The following SEC31A variants were observed in gnomAD, a reference collection of about 807,000 sequenced individuals.
The protein encoded by SEC31A is protein transport protein Sec31A.
A neutral mutation model predicts 151.0 loss-of-function variants in SEC31A; 70 were observed. The observed-to-expected ratio is 0.46, with a 90% CI of 0.38 to 0.57. SEC31A has a LOEUF of 0.57. Ranked by LOEUF, SEC31A falls within the 20% of genes least tolerant of loss-of-function variation. The probability of loss-of-function intolerance (pLI) is 0.00; values close to 1 mark genes in which losing one functional copy is unlikely to be tolerated. For synonymous variants in SEC31A, 475 were observed against 505.9 expected (o/e 0.94, Z 0.82); for missense variants, 1,330 against 1,471.2 (o/e 0.90, Z 1.57).
chr4:82,849,115 C>T, intron 19 of SEC31A, 138 bp from the exon 20 acceptor site: 1 of 744,158 alleles, frequency 1.3e-6, no homozygotes, highest in Non-Finnish European at 2.1e-6. Flanking sequence ...TAGACCCTGA[C>T]ACACAGATTT....
intron 5 of SEC31A, 27 bp downstream of exon 5, chr4:82,875,700 C>CT (rs1737764532): frequency 1.4e-6 from 2 of 1,403,980 alleles, no homozygotes; most frequent in African/African-American, 2.8e-5. Flanking sequence ...TTTTTGATTA[C>CT]AATGATCAAA....
chr4:82,884,069 C>T (rs1740050452), intron 1 of SEC31A, among the ~76,000 whole-genome samples: 2 of 146,396 alleles, frequency 1.4e-5, no homozygotes, highest in Admixed American at 7.0e-5. Flanking sequence ...CTCACTGCAA[C>T]GTCTGCCTCC....
Position 82,864,412 on chromosome 4 carries a change from T to A in SEC31A, c.1384A>T (p.Ile462Phe), listed in dbSNP as rs771400795. The A allele has an allele frequency of 6.3e-6, 10 of 1,592,118 alleles. No individual in the cohort carries two copies. Among genetic ancestry groups the A allele is most frequent in the Non-Finnish European group, 8.6e-6 (10 of 1,163,236 alleles). ...TCAAATTCAGTCTGAGAAGCATCAA[T>A]TTTTTTTTGGCAATAATTGATAAAT... ...QGFINYCQKKIDASQTEFEKN... is the reference protein window; with the variant it reads ...QGFINYCQKKFDASQTEFEKN... The change falls in exon 11 of 27, where the codon ATT becomes TTT. Residue 462 changes from isoleucine (I) to phenylalanine (F), a missense_variant. Transcript: ENST00000395310.
intron 21 of SEC31A, among the ~76,000 whole-genome samples, chr4:82,843,531 ATC>A (rs1290310047): frequency 1.3e-5 from 2 of 152,162 alleles, no homozygotes; most frequent in Non-Finnish European, 2.9e-5. Flanking sequence ...GTAAAAGTGG[ATC>A]TGTTTCCTAT....
At chr4:82,880,600 AG>A in intron 3 of SEC31A, 198 bp downstream of exon 3, 28 of 428,976 alleles carry the variant, frequency 6.5e-5, no homozygotes, top group East Asian at 1.2e-4. Flanking sequence ...AAAAAAAAAA[AG>A]AAAAAAAAAA....
chr4:82,823,036 G>T (rs910071631), intron 25 of SEC31A, among the ~76,000 whole-genome samples: 1 of 152,182 alleles, frequency 6.6e-6, no homozygotes, highest in African/African-American at 2.4e-5. Flanking sequence ...CCCCAAGGGG[G>T]CAAGGGCAGC....
chr4:82,858,903 G>T (rs1042329314), intron 14 of SEC31A, among the ~76,000 whole-genome samples: 6 of 151,736 alleles, frequency 4.0e-5, no homozygotes, highest in Non-Finnish European at 5.9e-5. Flanking sequence ...GGGTTTCACT[G>T]TGTTAGCCAG....
At chr4:82,846,604 A>G (rs1486454809) in intron 20 of SEC31A, among the ~76,000 whole-genome samples, 1 of 152,092 alleles carries the variant, frequency 6.6e-6, no homozygotes, top group Non-Finnish European at 1.5e-5. Flanking sequence ...ACAAGAAGGA[A>G]GACTACTTCC....
intron 13 of SEC31A, 127 bp downstream of exon 13, chr4:82,862,407 A>C (rs1028484497): frequency 1.3e-5 from 8 of 638,698 alleles, no homozygotes; most frequent in Middle Eastern, 3.8e-4. Flanking sequence ...ATTTATTAAA[A>C]TATCTAGAAT....
chr4:82,896,460 C>T (rs1174052943), intron 3 of SEC31A, among the ~76,000 whole-genome samples: 4 of 152,154 alleles, frequency 2.6e-5, no homozygotes, highest in Non-Finnish European at 5.9e-5. Context: ...TCAGGTGATT[C>T]ACCTGCCTTA....
chr4:82,853,301 C>T (rs967663379), intron 18 of SEC31A, among the ~76,000 whole-genome samples: 6 of 152,126 alleles, frequency 3.9e-5, no homozygotes, highest in Non-Finnish European at 4.4e-5. Flanking sequence ...AAGAGGTAAA[C>T]CCTAGAGCTG....
rs900039731 is a variant in SEC31A at position 82,881,020 on chromosome 4, C to T, written c.80-98G>A. ...TAAAAGCATGTTTTCCATTCTCTTGCTCATGAATGCTGCACATATGCCATT... is the reference window on the plus strand; with the variant it reads ...TAAAAGCATGTTTTCCATTCTCTTGTTCATGAATGCTGCACATATGCCATT... On this transcript the variant is annotated intron_variant, in intron 2 of 26. Transcript: ENST00000395310. The T allele has an allele frequency of 3.6e-5, 36 of 989,566 alleles. No homozygotes were observed. In the African/African-American group the frequency reaches 5.7e-4, roughly 16 times the overall value. The allele number at this position is 989,566 out of a possible 1,614,324, so 61.3% of individuals were successfully genotyped here.
At chr4:82,860,839 A>G (rs1002464415) in intron 14 of SEC31A, among the ~76,000 whole-genome samples, 12 of 152,252 alleles carry the variant, frequency 7.9e-5, no homozygotes, top group African/African-American at 2.9e-4. Context: ...ATTAAACTCT[A>G]GGAGATCCAC....
chr4:82,834,243 G>A (rs1484531362), intron 22 of SEC31A, among the ~76,000 whole-genome samples: 1 of 152,182 alleles, frequency 6.6e-6, no homozygotes, highest in Non-Finnish European at 1.5e-5. Context: ...CTGGCTGAGA[G>A]AGGTAATATA....
chr4:82,851,404 A>T, intron 19 of SEC31A, 27 bp downstream of exon 19: 1 of 1,592,328 alleles, frequency 6.3e-7, no homozygotes, highest in Non-Finnish European at 8.6e-7. Flanking sequence ...TTACTCAAAC[A>T]TTACAAAAAT....
chr4:82,831,390 G>A (rs1322126094), intron 22 of SEC31A: 1 of 154,220 alleles, frequency 6.5e-6, no homozygotes, highest in African/African-American at 2.4e-5. Context: ...GTCTATTTTG[G>A]TATTGTTCAA....
chr4:82,841,920 C>T (rs1006813109), intron 22 of SEC31A, among the ~76,000 whole-genome samples: 5 of 151,426 alleles, frequency 3.3e-5, no homozygotes, highest in African/African-American at 9.7e-5. Flanking sequence ...TGCAGTAAGC[C>T]GAGAGTGCAC....
At chr4:82,889,705 T>C (rs952902333) in intron 1 of SEC31A, among the ~76,000 whole-genome samples, 17 of 152,292 alleles carry the variant, frequency 1.1e-4, no homozygotes, top group African/African-American at 3.8e-4. Flanking sequence ...TCTATTCCCA[T>C]GTTATTGGTT....
intron 22 of SEC31A, among the ~76,000 whole-genome samples, chr4:82,832,177 C>A (rs1279662696): frequency 6.6e-6 from 1 of 152,188 alleles, no homozygotes; most frequent in African/African-American, 2.4e-5. Flanking sequence ...GCTACAGTAA[C>A]CAAAACAGCA....
Sources: allele counts gnomAD v4.1 joint callset (sites outside exome capture counted in the v4.1 genomes callset), GRCh38; gene constraint gnomAD v4.1.1; transcripts MANE v1.5; gene names NCBI Gene and HGNC (gene_info 2026-07-23, HGNC 2026-07-21).